NR3C2: variants seen among roughly 807,000 people sequenced by gnomAD.
The protein encoded by NR3C2 is nuclear receptor subfamily 3 group C member 2.
In NR3C2, 15 loss-of-function variants were observed where a neutral mutation model predicts 86.4. That is an observed-to-expected ratio of 0.17 (90% CI 0.12 to 0.27). The LOEUF (loss-of-function observed/expected upper bound fraction) is 0.27, where lower values mean the gene tolerates loss of function less well. NR3C2 is among the 10% of genes least tolerant of loss of function. The probability of loss-of-function intolerance (pLI) is 1.00; values close to 1 mark genes in which losing one functional copy is unlikely to be tolerated. For synonymous variants in NR3C2, 458 were observed against 450.5 expected (o/e 1.02, Z -0.21); for missense variants, 960 against 1,195.6 (o/e 0.80, Z 2.91).
rs149902988 is a variant in NR3C2, at chr4:148,436,122, T to A, written c.739A>T (p.Arg247Trp). The stretch of plus-strand genomic sequence containing the variant: ...CTAGCATGTGCAGGGCTGTGCGACC[T>A]GGAGCCTCGATTTTCAACATTAGGG... The part of the protein sequence containing the change: ...CSPNVENRGS[R>W]SHSPAHASNV... The change falls in exon 2 of 9, where the codon AGG becomes TGG. Residue 247 changes from arginine (R) to tryptophan (W), a missense_variant. Transcript: ENST00000358102. 27 of 1,614,038 alleles carry A rather than the reference T, an allele frequency of 1.7e-5. No homozygotes were observed. The highest frequency in any genetic ancestry group is 1.9e-5 in the Non-Finnish European group (23 of 1,180,028).
chr4:148,134,578 G>A (rs1733188465), intron 6 of NR3C2, among the ~76,000 whole-genome samples: 1 of 147,236 alleles, frequency 6.8e-6, no homozygotes, highest in Admixed American at 6.8e-5. Context: ...TTGCTTAGAA[G>A]CAGTGAGTGT....
At chr4:148,332,226 A>T (rs1744264541) in intron 2 of NR3C2, among the ~76,000 whole-genome samples, 1 of 152,236 alleles carries the variant, frequency 6.6e-6, no homozygotes, top group Non-Finnish European at 1.5e-5. Context: ...TGTTCAATAA[A>T]TCTATGCAAG....
chr4:148,078,792 T>A lies in NR3C2; in HGVS notation c.*2552A>T, dbSNP rs936918211. The A allele has an allele frequency of 6.5e-6, 1 of 152,674 alleles. No homozygotes were observed. The highest frequency in any genetic ancestry group is 1.5e-5 in the Non-Finnish European group (1 of 68,048). The allele number at this position is 152,674 out of a possible 1,614,324, so 9.5% of individuals were successfully genotyped here. A position where few individuals can be genotyped will look rare whatever the true frequency, so the allele number is the denominator to read the frequency against. ...TTAAAGTAAAGGATTTATTGTAATC[T>A]GCTTACAGTCCTTTGCAAAGACAGA... is the stretch of plus-strand genomic sequence containing the variant. On this transcript the variant is annotated 3_prime_UTR_variant, in exon 9 of 9. Coordinates refer to ENST00000358102, the MANE Select transcript of NR3C2 (RefSeq NM_000901.5).
intron 4 of NR3C2, among the ~76,000 whole-genome samples, chr4:148,181,111 T>G (rs1578980804): frequency 1.3e-5 from 2 of 152,298 alleles, no homozygotes; most frequent in South Asian, 2.1e-4. Flanking sequence ...TTTCTGAGAT[T>G]AAGGAAAACT....
intron 2 of NR3C2, among the ~76,000 whole-genome samples, chr4:148,317,900 G>A (rs1743291909): frequency 6.7e-6 from 1 of 149,690 alleles, no homozygotes; most frequent in African/African-American, 2.5e-5. Flanking sequence ...TATACTTTAA[G>A]TTTTAGGGTA....
At chr4:148,354,784 C>A (rs1052291078) in intron 2 of NR3C2, among the ~76,000 whole-genome samples, 1 of 151,922 alleles carries the variant, frequency 6.6e-6, no homozygotes, top group Non-Finnish European at 1.5e-5. Context: ...AAATATAAAA[C>A]TGCTCAACAT....
chr4:148,109,259 A>G (rs1411865180), intron 8 of NR3C2, among the ~76,000 whole-genome samples: 1 of 152,184 alleles, frequency 6.6e-6, no homozygotes, highest in Non-Finnish European at 1.5e-5. Flanking sequence ...CAGTGAGCCC[A>G]CAACTCCACC....
At chr4:148,400,553 G>A (rs2126528982) in intron 2 of NR3C2, among the ~76,000 whole-genome samples, 1 of 152,088 alleles carries the variant, frequency 6.6e-6, no homozygotes, top group Admixed American at 6.5e-5. Context: ...GGCTGAGGCG[G>A]GCGGATCATA....
At chr4:148,262,444 C>A (rs1740167753) in intron 2 of NR3C2, among the ~76,000 whole-genome samples, 1 of 152,156 alleles carries the variant, frequency 6.6e-6, no homozygotes, top group Non-Finnish European at 1.5e-5. Context: ...CACGTGGTAT[C>A]TCCACTTGGG....
intron 2 of NR3C2, among the ~76,000 whole-genome samples, chr4:148,295,074 T>G (rs1378477102): frequency 6.6e-6 from 1 of 152,114 alleles, no homozygotes; most frequent in Admixed American, 6.6e-5. Flanking sequence ...ATTAATAAAA[T>G]ATGACATTTA....
chr4:148,209,191 C>A (rs1295679086), intron 3 of NR3C2, among the ~76,000 whole-genome samples: 1 of 151,084 alleles, frequency 6.6e-6, no homozygotes, highest in Non-Finnish European at 1.5e-5. Flanking sequence ...TTGCAGTGAG[C>A]CGAAATAGTG....
At chr4:148,221,822 A>G (rs1462730781) in intron 3 of NR3C2, among the ~76,000 whole-genome samples, 1 of 147,826 alleles carries the variant, frequency 6.8e-6, no homozygotes, top group Non-Finnish European at 1.5e-5. Context: ...TGAACCTAAG[A>G]GGTGGAGGTT....
chr4:148,118,312 T>G (rs560933886), intron 7 of NR3C2, among the ~76,000 whole-genome samples: 1 of 152,188 alleles, frequency 6.6e-6, no homozygotes, highest in African/African-American at 2.4e-5. Flanking sequence ...TCAACTCCAG[T>G]GGCCTTCTGT....
chr4:148,204,099 TA>T (rs1736878119), intron 3 of NR3C2, among the ~76,000 whole-genome samples: 1 of 152,238 alleles, frequency 6.6e-6, no homozygotes, highest in Admixed American at 6.5e-5. Flanking sequence ...TTTCATTTTT[TA>T]AAATGTACTT....
intron 2 of NR3C2, among the ~76,000 whole-genome samples, chr4:148,411,857 G>T (rs999126368): frequency 2.0e-5 from 3 of 152,202 alleles, no homozygotes; most frequent in African/African-American, 7.2e-5. Flanking sequence ...ATACCAAGAT[G>T]AAGGAACTCC....
rs1560908754 is a variant in NR3C2 at position 148,080,229 on chromosome 4, T to C, written c.*1115A>G. ...AGGATGAAGCAGAAGCCAGAAAACG[T>C]GCTGGAGTCCCACAAATGCCCCAAG... On this transcript the variant is annotated 3_prime_UTR_variant, in exon 9 of 9. Coordinates refer to ENST00000358102, the MANE Select transcript of NR3C2 (RefSeq NM_000901.5). 1 of 152,442 alleles carries C rather than the reference T, an allele frequency of 6.6e-6. No homozygotes were observed. The highest frequency in any genetic ancestry group is 2.4e-5 in the African/African-American group (1 of 41,440). The allele number at this position is 152,442 out of a possible 1,614,324, so 9.4% of individuals were successfully genotyped here.
chr4:148,442,416 A>C (rs1579304761), upstream of NR3C2: 1 of 139,724 alleles, frequency 7.2e-6, no homozygotes, highest in Admixed American at 7.2e-5. Context: ...GGCTGAGAGG[A>C]GGGGGCAGGG....
Position 148,109,890 on chromosome 4 carries a change from T to G in NR3C2, c.2799+4214A>C, listed in dbSNP as rs539100326. On this transcript the variant is annotated intron_variant, in intron 8 of 8. Transcript: ENST00000358102. ...ATATCATCTTTGTTACTTACTGTTC[T>G]ACACAATTACCATAACATAAATAGT... Among the ~76,000 whole-genome samples the G allele has an allele frequency of 1.3e-5, 2 of 152,356 alleles. 1 individual carries two copies. Among genetic ancestry groups the G allele is most frequent in the South Asian group, 4.1e-4 (2 of 4,830 alleles).
intron 4 of NR3C2, among the ~76,000 whole-genome samples, chr4:148,177,213 A>G (rs1380727844): frequency 6.6e-6 from 1 of 152,204 alleles, no homozygotes. Context: ...TCCTTTATTA[A>G]TCATGGTAAT....
Sources: allele counts gnomAD v4.1 joint callset (sites outside exome capture counted in the v4.1 genomes callset), GRCh38; gene constraint gnomAD v4.1.1; transcripts MANE v1.5; gene names NCBI Gene and HGNC (gene_info 2026-07-23, HGNC 2026-07-21).